CENPW: variants seen among roughly 807,000 people sequenced by gnomAD.
The protein encoded by CENPW is cancer-up-regulated gene 2 protein.
Under a neutral mutation model 11.1 loss-of-function variants are expected in CENPW, and 3 were observed. That is an observed-to-expected ratio of 0.27 (90% CI 0.12 to 0.70). CENPW has a LOEUF of 0.70. Ranked by LOEUF, CENPW falls within the 30% of genes least tolerant of loss-of-function variation. The pLI, the probability that CENPW is intolerant of heterozygous loss-of-function variation, is 0.77. For synonymous variants in CENPW, 38 were observed against 42.0 expected (o/e 0.91, Z 0.37); for missense variants, 100 against 105.6 (o/e 0.95, Z 0.23).
At chr6:126,442,537 A>G in the CENPW span, among the ~76,000 whole-genome samples, 1 of 151,322 alleles carries the variant, frequency 6.6e-6, no homozygotes, top group Admixed American at 6.6e-5. Flanking sequence ...ATTTCTTTGC[A>G]ATAATAACTA....
chr6:126,367,948 C>T, the CENPW span, among the ~76,000 whole-genome samples: 1 of 152,142 alleles, frequency 6.6e-6, no homozygotes, highest in Non-Finnish European at 1.5e-5. Flanking sequence ...TTGATTTAAA[C>T]CGTAATCTAG....
chr6:126,359,771 T>TC, the CENPW span, among the ~76,000 whole-genome samples: 1 of 151,758 alleles, frequency 6.6e-6, no homozygotes, highest in Non-Finnish European at 1.5e-5. Flanking sequence ...TTTTTTTTTT[T>TC]ACATTTGCAT....
the CENPW span, among the ~76,000 whole-genome samples, chr6:126,366,831 T>C: frequency 1.3e-5 from 2 of 152,142 alleles, no homozygotes; most frequent in East Asian, 3.8e-4. Context: ...AAGTTCAAGG[T>C]TGAGGGACCT....
At chr6:126,459,086 T>G in the CENPW span, among the ~76,000 whole-genome samples, 2 of 151,466 alleles carry the variant, frequency 1.3e-5, no homozygotes, top group Non-Finnish European at 3.0e-5. Context: ...TAAATAGTCT[T>G]TCATTGCTAT....
chr6:126,396,232 G>A, the CENPW span, among the ~76,000 whole-genome samples: 1 of 152,000 alleles, frequency 6.6e-6, no homozygotes, highest in Admixed American at 6.6e-5. Flanking sequence ...CCATGACTAA[G>A]CTGATACTCA....
the CENPW span, among the ~76,000 whole-genome samples, chr6:126,428,453 A>G: frequency 6.6e-6 from 1 of 152,198 alleles, no homozygotes; most frequent in East Asian, 1.9e-4. Flanking sequence ...TAGCAACTAC[A>G]AAGAGTTAAT....
chr6:126,445,568 C>T, the CENPW span, among the ~76,000 whole-genome samples: 1 of 151,024 alleles, frequency 6.6e-6, no homozygotes, highest in African/African-American at 2.4e-5. Flanking sequence ...AGATCTTTGC[C>T]ATTGTTATAT....
At chr6:126,459,779 C>T in the CENPW span, among the ~76,000 whole-genome samples, 1 of 151,522 alleles carries the variant, frequency 6.6e-6, no homozygotes, top group South Asian at 2.1e-4. Flanking sequence ...ACTCAACAGA[C>T]CATTAAACAG....
chr6:126,381,465 T>C, the CENPW span, among the ~76,000 whole-genome samples: 2 of 152,328 alleles, frequency 1.3e-5, no homozygotes, highest in South Asian at 4.1e-4. Flanking sequence ...GCTCTGTTAA[T>C]GCAACCAGTA....
the CENPW span, among the ~76,000 whole-genome samples, chr6:126,455,535 C>A: frequency 6.6e-6 from 1 of 151,208 alleles, no homozygotes; most frequent in Non-Finnish European, 1.5e-5. Flanking sequence ...TATGTTAAAA[C>A]CCCTAAACAA....
chr6:126,449,393 G>T, the CENPW span, among the ~76,000 whole-genome samples: 2 of 150,974 alleles, frequency 1.3e-5, no homozygotes, highest in African/African-American at 4.8e-5. Flanking sequence ...GTGGTGCCTT[G>T]CAAAACCTTG....
At chr6:126,340,671 G>T (rs888411191) in intron 1 of CENPW, among the ~76,000 whole-genome samples, 1 of 152,156 alleles carries the variant, frequency 6.6e-6, no homozygotes, top group Non-Finnish European at 1.5e-5. Flanking sequence ...TACAGTTACT[G>T]CTTACAGTTT....
intron 1 of CENPW, among the ~76,000 whole-genome samples, chr6:126,345,227 T>C (rs1202003621): frequency 3.3e-5 from 5 of 151,990 alleles, no homozygotes; most frequent in South Asian, 2.1e-4. Flanking sequence ...CAAAGTGTTA[T>C]TTTATATGAC....
At chr6:126,351,149 AGTGTGT>A (rs71024750), downstream of CENPW, among the ~76,000 whole-genome samples, 4 of 147,084 alleles carry the variant, frequency 2.7e-5, no homozygotes, top group East Asian at 2.0e-4. Context: ...AGAGAGAGTG[AGTGTGT>A]GTGTGTGTGT....
At chr6:126,374,246 A>G in the CENPW span, among the ~76,000 whole-genome samples, 972 of 152,346 alleles carry the variant, frequency 6.4e-3, 10 homozygotes, top group African/African-American at 0.021. Flanking sequence ...TACTGCAGAA[A>G]GAACTAATGA....
At chr6:126,468,946 G>GCACA in the CENPW span, among the ~76,000 whole-genome samples, 1 of 152,028 alleles carries the variant, frequency 6.6e-6, no homozygotes, top group Non-Finnish European at 1.5e-5. Context: ...GGGACCACAG[G>GCACA]CACACACCAC....
the CENPW span, among the ~76,000 whole-genome samples, chr6:126,460,824 C>A: frequency 6.6e-6 from 1 of 151,710 alleles, no homozygotes; most frequent in Non-Finnish European, 1.5e-5. Flanking sequence ...ATTCTTACTA[C>A]AACTGGGCCA....
chr6:126,402,183 T>C, the CENPW span, among the ~76,000 whole-genome samples: 1 of 152,022 alleles, frequency 6.6e-6, no homozygotes, highest in African/African-American at 2.4e-5. Context: ...AACAGGAAAA[T>C]TGAGCAATTA....
chr6:126,437,373 C>T, the CENPW span, among the ~76,000 whole-genome samples: 1 of 151,802 alleles, frequency 6.6e-6, no homozygotes, highest in East Asian at 1.9e-4. Context: ...TGACTCTGGC[C>T]CAGTTGAATT....
Sources: gnomAD v4.1 joint callset for allele counts (sites outside exome capture counted in the v4.1 genomes callset) on GRCh38, gnomAD v4.1.1 for gene constraint, MANE v1.5 for transcripts, NCBI Gene and HGNC (gene_info 2026-07-23, HGNC 2026-07-21) for gene names.